The following EXT1 variants were observed in gnomAD, a reference collection of about 807,000 sequenced individuals.
The protein encoded by EXT1 is exostosin glycosyltransferase 1.
Under a neutral mutation model 82.5 loss-of-function variants are expected in EXT1, and 20 were observed. The ratio of observed to expected loss-of-function variants is 0.24; its 90% CI spans 0.17 to 0.35. The LOEUF (loss-of-function observed/expected upper bound fraction) is 0.35, where lower values mean the gene tolerates loss of function less well. EXT1 is among the 10% of genes least tolerant of loss of function. The pLI is 1.00. For missense variants in EXT1, 757 were observed against 936.5 expected, an observed-to-expected ratio of 0.81 and a Z score of 2.50; for synonymous variants, 348 against 350.8, an observed-to-expected ratio of 0.99 and a Z score of 0.09.
chr8:117,883,781 G>C (rs941217581), intron 1 of EXT1, among the ~76,000 whole-genome samples: 2 of 152,232 alleles, frequency 1.3e-5, no homozygotes, highest in Non-Finnish European at 2.9e-5. Flanking sequence ...AGAGACCACA[G>C]ATCAGCTGGA....
intron 1 of EXT1, among the ~76,000 whole-genome samples, chr8:118,017,942 C>T (rs1333771481): frequency 6.6e-6 from 1 of 152,208 alleles, no homozygotes; most frequent in South Asian, 2.1e-4. Context: ...CACACATTGG[C>T]TCAGAGCAAT....
intron 1 of EXT1, among the ~76,000 whole-genome samples, chr8:117,840,983 G>A (rs947720266): frequency 6.6e-5 from 10 of 152,142 alleles, no homozygotes; most frequent in Non-Finnish European, 1.3e-4. Flanking sequence ...GTAAAACGGT[G>A]CAGCCACTTC....
intron 1 of EXT1, among the ~76,000 whole-genome samples, chr8:117,875,835 C>T (rs1463071212): frequency 6.6e-6 from 1 of 152,114 alleles, no homozygotes; most frequent in East Asian, 1.9e-4. Flanking sequence ...GGCCCTTCTC[C>T]CCATGCAAGC....
At chr8:117,944,209 A>C (rs1487005476) in intron 1 of EXT1, among the ~76,000 whole-genome samples, 3 of 152,186 alleles carry the variant, frequency 2.0e-5, no homozygotes, top group Non-Finnish European at 4.4e-5. Context: ...CAGCCTGGCC[A>C]ACAGGGCAAA....
At chr8:118,108,925 T>C (rs2130038114) in intron 1 of EXT1, among the ~76,000 whole-genome samples, 1 of 152,162 alleles carries the variant, frequency 6.6e-6, no homozygotes, top group African/African-American at 2.4e-5. Context: ...AGCTGAGAGG[T>C]TCCCCTTCCT....
intron 1 of EXT1, among the ~76,000 whole-genome samples, chr8:118,032,104 A>G (rs1466928245): frequency 7.0e-6 from 1 of 142,850 alleles, no homozygotes; most frequent in African/African-American, 2.5e-5. Flanking sequence ...TGCAAAAGTC[A>G]TCGCGGTTTT....
At chr8:118,037,383 T>C (rs889073218) in intron 1 of EXT1, among the ~76,000 whole-genome samples, 29 of 151,276 alleles carry the variant, frequency 1.9e-4, no homozygotes, top group African/African-American at 6.3e-4. Context: ...AGATTCCTTT[T>C]TTTTTTTTTT....
intron 4 of EXT1, among the ~76,000 whole-genome samples, chr8:117,826,813 A>T (rs116204720): frequency 1.3e-5 from 2 of 152,320 alleles, no homozygotes; most frequent in East Asian, 1.9e-4. Context: ...TGCTAAAAAA[A>T]AATAATAATA....
chr8:117,962,749 T>TCCC (rs200739183), intron 1 of EXT1, among the ~76,000 whole-genome samples: 2 of 128,924 alleles, frequency 1.6e-5, no homozygotes, highest in African/African-American at 3.6e-5. Context: ...AAAGACTCCA[T>TCCC]CCCCCCACAC....
At chr8:117,924,581 C>T (rs765796710) in intron 1 of EXT1, among the ~76,000 whole-genome samples, 3 of 152,176 alleles carry the variant, frequency 2.0e-5, no homozygotes, top group East Asian at 1.9e-4. Context: ...GTTACATCAT[C>T]GTGCGACTTC....
intron 1 of EXT1, among the ~76,000 whole-genome samples, chr8:117,934,824 T>G (rs1034261119): frequency 6.6e-6 from 1 of 152,186 alleles, no homozygotes; most frequent in Non-Finnish European, 1.5e-5. Context: ...ACAGAATCTC[T>G]TCTTCCAAGA....
At chr8:117,974,316 G>T (rs563964915) in intron 1 of EXT1, among the ~76,000 whole-genome samples, 1 of 152,144 alleles carries the variant, frequency 6.6e-6, no homozygotes, top group Non-Finnish European at 1.5e-5. Context: ...AGCTGTCCCA[G>T]GTTTCCCGAC....
chr8:117,840,931 A>T (rs1049755667), intron 1 of EXT1, among the ~76,000 whole-genome samples: 1 of 152,232 alleles, frequency 6.6e-6, no homozygotes, highest in African/African-American at 2.4e-5. Flanking sequence ...GCTGATGAGG[A>T]TGTAAAGAGA....
rs748928313 is a variant in EXT1 at position 117,861,198 on chromosome 8, T to G, written c.963-23997A>C. On this transcript the variant is annotated intron_variant, in intron 1 of 10. Transcript: ENST00000378204. The stretch of plus-strand genomic sequence containing the variant: ...AAAAGCAGTAGAATGTCAGAAAGGC[T>G]ATCCACTTAGCCCTTGGCTGACAGG... 3.3e-4 allele frequency among the ~76,000 whole-genome samples: 51 copies of G among 152,326 alleles called. 2 individuals are homozygous for G. The highest frequency in any genetic ancestry group is 7.2e-4 in the Non-Finnish European group (49 of 68,020).
chr8:118,024,645 C>G (rs1167847683), intron 1 of EXT1, among the ~76,000 whole-genome samples: 1 of 152,128 alleles, frequency 6.6e-6, no homozygotes, highest in Non-Finnish European at 1.5e-5. Flanking sequence ...GCTAAATGCC[C>G]TAAATGAACA....
intron 1 of EXT1, among the ~76,000 whole-genome samples, chr8:117,982,034 G>C (rs938228508): frequency 2.2e-4 from 34 of 152,040 alleles, no homozygotes; most frequent in Admixed American, 2.2e-3. Flanking sequence ...GTTTTCTATT[G>C]CTGCTGTAAT....
rs2067866 is a variant in EXT1, at chr8:117,819,415, T to C, written c.1536+261A>G. On this transcript the variant is annotated intron_variant, in intron 6 of 10. Coordinates refer to ENST00000378204, the MANE Select transcript of EXT1 (RefSeq NM_000127.3). Reference sequence around the variant, plus strand: ...CTTCTTTAGAGACTATGTTGGTGTATGTATATATACTTTTTAACTCTATAC... The same window carrying C: ...CTTCTTTAGAGACTATGTTGGTGTACGTATATATACTTTTTAACTCTATAC... 0.1 allele frequency among the ~76,000 whole-genome samples: 15,599 copies of C among 152,230 alleles called. 1,153 individuals carry two copies. Among genetic ancestry groups the C allele is most frequent in the African/African-American group, 0.21 (8,787 of 41,510 alleles).
intron 1 of EXT1, among the ~76,000 whole-genome samples, chr8:118,085,483 T>G (rs1361429365): frequency 1.0e-5 from 1 of 99,048 alleles, no homozygotes; most frequent in Non-Finnish European, 2.4e-5. Context: ...GTTTTTGTTT[T>G]TTTTTTTTTT....
chr8:118,062,127 A>G (rs1816891760), intron 1 of EXT1, among the ~76,000 whole-genome samples: 1 of 152,060 alleles, frequency 6.6e-6, no homozygotes, highest in African/African-American at 2.4e-5. Flanking sequence ...AGAAACGTGG[A>G]CACGTGTTCC....
Sources: gnomAD v4.1 joint callset for allele counts (sites outside exome capture counted in the v4.1 genomes callset) on GRCh38, gnomAD v4.1.1 for gene constraint, MANE v1.5 for transcripts, NCBI Gene and HGNC (gene_info 2026-07-23, HGNC 2026-07-21) for gene names.